CAPN2: variants seen among roughly 807,000 people sequenced by gnomAD.
The protein encoded by CAPN2 is calpain-2 catalytic subunit.
A neutral mutation model predicts 102.3 loss-of-function variants in CAPN2; 92 were observed. That is an observed-to-expected ratio of 0.90 (90% CI 0.76 to 1.07). The LOEUF (loss-of-function observed/expected upper bound fraction) is 1.07. CAPN2 is among the 50% of genes least tolerant of loss of function. The pLI, the probability that CAPN2 is intolerant of heterozygous loss-of-function variation, is 0.00. For missense variants in CAPN2, 800 were observed against 909.4 expected (o/e 0.88, Z 1.55); for synonymous variants, 340 against 355.4 (o/e 0.96, Z 0.49).
In CAPN2 at chr1:223,745,429, G is replaced by C; in HGVS notation, c.550G>C (p.Ala184Pro). Residue 184 changes from alanine to proline, a missense_variant, in exon 4 of 21, where the codon GCA becomes CCA. By Grantham distance (27) the Ala-to-Pro change is conservative (BLOSUM62 -1). Transcript: ENST00000295006. ...SEFWSALLEK[A>P]YAKINGCYEA... is the part of the protein sequence containing the mutation. ...GTTCTGGAGCGCCCTGCTGGAGAAGGCATACGCCAAGTAAGTTGCCATCCT... is the reference window on the plus strand; with the variant it reads ...GTTCTGGAGCGCCCTGCTGGAGAAGCCATACGCCAAGTAAGTTGCCATCCT... The C allele has an allele frequency of 6.2e-7, 1 of 1,614,184 alleles. No homozygotes were observed.
intron 3 of CAPN2, among the ~76,000 whole-genome samples, chr1:223,744,993 C>T (rs1292195110): frequency 1.1e-4 from 17 of 150,994 alleles, no homozygotes; most frequent in Non-Finnish European, 1.3e-4. Flanking sequence ...TGCAGTGAGC[C>T]GAGATCGTGC....
rs958543842 is a variant in CAPN2 at position 223,738,861 on chromosome 1, G to A, written c.308-5239G>A. 1.4e-4 allele frequency among the ~76,000 whole-genome samples: 21 copies of A among 152,256 alleles called. 1 individual carries two copies. The highest frequency in any genetic ancestry group is 3.8e-4 in the East Asian group (2 of 5,200). ...CAGGTGCAACCTGCCCCGCAGTCAC[G>A]GGACACAGCCACATGGAGCCGAGCC... On this transcript the variant is annotated intron_variant, in intron 2 of 20. Transcript: ENST00000295006.
rs1553257040 is a variant in CAPN2 at position 223,775,695 on chromosome 1, C to CTT, written c.*839_*840dup. 1 of 152,660 alleles carries CTT rather than the reference C, an allele frequency of 6.6e-6. No homozygotes were observed. The highest frequency in any genetic ancestry group is 1.5e-5 in the Non-Finnish European group (1 of 68,042). The allele number at this position is 152,660 out of a possible 1,614,324, so 9.5% of individuals were successfully genotyped here. On this transcript the variant is annotated 3_prime_UTR_variant, in exon 21 of 21. Coordinates refer to ENST00000295006, the MANE Select transcript of CAPN2 (RefSeq NM_001748.5). ...GTCCATGGAGTTAGAGGGGACATCA[C>CTT]TTAGAAGTTCTTATAGAAAGGACAC...
At chr1:223,745,540 G>T in intron 4 of CAPN2, 101 bp downstream of exon 4, 5 of 1,381,356 alleles carry the variant, frequency 3.6e-6, no homozygotes, top group South Asian at 1.2e-5. Flanking sequence ...GGAGGCCGAG[G>T]TGGGTGGATC....
intron 14 of CAPN2, 49 bp from the exon 15 acceptor site, chr1:223,764,101 C>G: frequency 6.7e-7 from 1 of 1,492,504 alleles, no homozygotes; most frequent in Non-Finnish European, 9.4e-7. Context: ...CTGTGCTCAT[C>G]CAGCTCCCAC....
intron 2 of CAPN2, among the ~76,000 whole-genome samples, chr1:223,737,760 G>A (rs965846334): frequency 2.1e-5 from 3 of 142,616 alleles, no homozygotes; most frequent in Non-Finnish European, 4.5e-5. Flanking sequence ...AAGAAAAACA[G>A]TCAGTTCTAA....
In CAPN2 at chr1:223,752,187, C is replaced by T. The variant is rs529237374; in HGVS notation, c.974+116C>T. On this transcript the variant is annotated intron_variant, in intron 8 of 20. Transcript: ENST00000295006. The stretch of plus-strand genomic sequence containing the variant: ...GAGTTTACCATGTCGAGGACACAAG[C>T]GTGTGGGATCCTGGTTTTGTTATTT... 10 of 687,138 alleles carry T rather than the reference C, an allele frequency of 1.5e-5. No homozygotes were observed. In the Admixed American group the frequency reaches 1.7e-4, roughly 11 times the overall value. The allele number at this position is 687,138 out of a possible 1,614,324, so 42.6% of individuals were successfully genotyped here. A position where few individuals can be genotyped will look rare whatever the true frequency, so the allele number is the denominator to read the frequency against.
In CAPN2 at chr1:223,759,501, C is replaced by T. The variant is rs1377198272; in HGVS notation, c.1529+20C>T. The T allele has an allele frequency of 6.2e-6, 10 of 1,602,284 alleles. No individual in the cohort carries two copies. The highest frequency in any genetic ancestry group is 8.5e-6 in the Non-Finnish European group (10 of 1,170,352). On this transcript the variant is annotated intron_variant, in intron 12 of 20. Coordinates refer to ENST00000295006, the MANE Select transcript of CAPN2 (RefSeq NM_001748.5). This position sits in a 1 kb window ranked among gnomAD's most constrained non-coding sequence, Gnocchi z 4.6. ...CTACCAGTAGGCGGTTTGGTCCCTT[C>T]CTCTCCCCACCCTTCCCTGTCCCTC...
chr1:223,708,399 G>A (rs907336658), upstream of CAPN2, among the ~76,000 whole-genome samples: 10 of 150,926 alleles, frequency 6.6e-5, no homozygotes, highest in African/African-American at 1.5e-4. Flanking sequence ...ACTCCAGCCC[G>A]GGCAACAAGA....
At chr1:223,732,821 G>T (rs999396683) in intron 2 of CAPN2, among the ~76,000 whole-genome samples, 1 of 152,144 alleles carries the variant, frequency 6.6e-6, no homozygotes, top group Admixed American at 6.5e-5. Flanking sequence ...ACATGGTAAA[G>T]TTCTGAAGGT....
chr1:223,730,010 CA>C (rs57382658), intron 2 of CAPN2, among the ~76,000 whole-genome samples: 96 of 79,060 alleles, frequency 1.2e-3, no homozygotes, highest in African/African-American at 2.5e-3. Context: ...CCCAAAAAAC[CA>C]AAAAAAAAAA....
At chr1:223,740,181 G>A (rs537446067) in intron 2 of CAPN2, among the ~76,000 whole-genome samples, 23 of 152,292 alleles carry the variant, frequency 1.5e-4, no homozygotes, top group African/African-American at 5.5e-4. Flanking sequence ...GACATGGGCC[G>A]TCGAGGTGGA....
intron 8 of CAPN2, among the ~76,000 whole-genome samples, chr1:223,752,586 A>G (rs774784332): frequency 2.0e-5 from 3 of 152,174 alleles, no homozygotes; most frequent in Admixed American, 1.3e-4. Context: ...AGAGAAGTTT[A>G]AGTAACCTGC....
Position 223,727,268 on chromosome 1 carries a change from G to A in CAPN2, c.307+9437G>A, listed in dbSNP as rs185891211. On this transcript the variant is annotated intron_variant, in intron 2 of 20. Coordinates refer to ENST00000295006, the MANE Select transcript of CAPN2 (RefSeq NM_001748.5). This position sits in a 1 kb window ranked among gnomAD's most constrained non-coding sequence, Gnocchi z 4.1. ...AAGAAATATAACGCAAAACAGGTAC[G>A]ATTTGAGATCCATCAGGGTTTCTCA... Among the ~76,000 whole-genome samples, 24 of 152,336 alleles carry A rather than the reference G, an allele frequency of 1.6e-4. No individual in the cohort carries two copies. The highest frequency in any genetic ancestry group is 1.2e-3 in the Admixed American group (18 of 15,300).
Position 223,772,262 on chromosome 1 carries a change from G to A in CAPN2, c.2079+23G>A, listed in dbSNP as rs144225740. On this transcript the variant is annotated intron_variant, in intron 20 of 20. Coordinates refer to ENST00000295006, the MANE Select transcript of CAPN2 (RefSeq NM_001748.5). ...TCTGTGAGTCAGCAGGCCCCGCCTTGCTTCTAAGGGGATGGGGGAGGCATG... is the reference window on the plus strand; with the variant it reads ...TCTGTGAGTCAGCAGGCCCCGCCTTACTTCTAAGGGGATGGGGGAGGCATG... 520 of 1,606,040 alleles carry A rather than the reference G, an allele frequency of 3.2e-4. 2 individuals carry two copies. In the African/African-American group the frequency reaches 6.3e-3, roughly 19 times the overall value.
chr1:223,705,798 C>T (rs1216732589), intron 1 of CAPN2, among the ~76,000 whole-genome samples: 1 of 152,142 alleles, frequency 6.6e-6, no homozygotes, highest in Non-Finnish European at 1.5e-5. Flanking sequence ...AAGAAAGGGG[C>T]CATTGCTGCT....
intron 12 of CAPN2, among the ~76,000 whole-genome samples, chr1:223,760,310 G>A (rs1002849263): frequency 3.3e-5 from 5 of 152,066 alleles, no homozygotes; most frequent in African/African-American, 1.2e-4. Flanking sequence ...TGTGTCTGAG[G>A]TGCTGGGCTT....
At chr1:223,717,906 G>A in intron 2 of CAPN2, 75 bp downstream of exon 2, 1 of 1,114,164 alleles carries the variant, frequency 9.0e-7, no homozygotes, top group Non-Finnish European at 1.4e-6. Context: ...GGGACAACCT[G>A]TGGCTTCTCT....
chr1:223,715,135 T>A (rs1306736939), intron 1 of CAPN2, among the ~76,000 whole-genome samples: 1 of 152,234 alleles, frequency 6.6e-6, no homozygotes, highest in Non-Finnish European at 1.5e-5. Context: ...TCTCAAATGC[T>A]GCTGAGGTCA....
Sources: allele counts gnomAD v4.1 joint callset (sites outside exome capture counted in the v4.1 genomes callset), GRCh38; gene constraint gnomAD v4.1.1; non-coding constraint Gnocchi (gnomAD v3.1); transcripts MANE v1.5; gene names NCBI Gene and HGNC (gene_info 2026-07-23, HGNC 2026-07-21).